The following DLG2 variants were observed in gnomAD, a reference collection of about 807,000 sequenced individuals.
The protein encoded by DLG2 is disks large homolog 2.
In DLG2, 45 loss-of-function variants were observed where a neutral mutation model predicts 132.5. That is an observed-to-expected ratio of 0.34 (90% CI 0.27 to 0.44). DLG2 has a LOEUF of 0.44. DLG2 is among the 20% of genes least tolerant of loss of function. The probability of loss-of-function intolerance (pLI) is 1.00; values close to 1 mark genes in which losing one functional copy is unlikely to be tolerated. For synonymous variants in DLG2, 424 were observed against 419.6 expected (o/e 1.01, Z -0.13); for missense variants, 1,045 against 1,196.9 (o/e 0.87, Z 1.87).
At chr11:84,439,411 T>C (rs2099010744) in intron 7 of DLG2, among the ~76,000 whole-genome samples, 1 of 152,186 alleles carries the variant, frequency 6.6e-6, no homozygotes, top group Admixed American at 6.5e-5. Flanking sequence ...TCAACAGTGG[T>C]ACCCCTGGGG....
At position 84,307,695 on chromosome 11, in the gene DLG2, C is replaced by CAAAAAAAAAAAAAAAAAAAAAAAA. The variant is rs1222486667; in HGVS notation, c.520-56405_520-56404insTTTTTTTTTTTTTTTTTTTTTTTT. On this transcript the variant is annotated intron_variant, in intron 7 of 27. Coordinates refer to ENST00000376104, the MANE Select transcript of DLG2 (RefSeq NM_001142699.3). ...TGGGTGAAAGAGCGAGACGCAGTCT[C>CAAAAAAAAAAAAAAAAAAAAAAAA]AAAAAAAAAAAAAAAAAAAAAGAAG... Among the ~76,000 whole-genome samples, 351 of 77,938 alleles carry CAAAAAAAAAAAAAAAAAAAAAAAA rather than the reference C, an allele frequency of 4.5e-3. 7 individuals are homozygous for CAAAAAAAAAAAAAAAAAAAAAAAA. The highest frequency in any genetic ancestry group is 7.3e-3 in the Non-Finnish European group (280 of 38,420). 51.1% of individuals were successfully genotyped at this position (77,938 alleles called of 152,430 possible). A position where few individuals can be genotyped will look rare whatever the true frequency, so the allele number is the denominator to read the frequency against.
rs1011139918 is a variant in DLG2 at position 84,278,585 on chromosome 11, T to A, written c.520-27294A>T. On this transcript the variant is annotated intron_variant, in intron 7 of 27. Transcript: ENST00000376104. ...TATACAAGCAAAAATTCTTAAAAAA[T>A]TTTTTAGCAAATTTAATCGAACAAT... 2.6e-5 allele frequency among the ~76,000 whole-genome samples: 4 copies of A among 152,088 alleles called. No homozygotes were observed. In the South Asian group the frequency reaches 6.2e-4, roughly 24 times the overall value.
At chr11:84,599,582 G>A (rs548901028) in intron 6 of DLG2, among the ~76,000 whole-genome samples, 1 of 152,154 alleles carries the variant, frequency 6.6e-6, no homozygotes, top group Admixed American at 6.5e-5. Context: ...CATGAAGAAG[G>A]AAATAGGATG....
intron 19 of DLG2, among the ~76,000 whole-genome samples, chr11:83,569,953 A>T (rs2096770913): frequency 6.6e-6 from 1 of 152,220 alleles, no homozygotes; most frequent in South Asian, 2.1e-4. Flanking sequence ...GTTGAATGAG[A>T]GTCAGACTTT....
intron 6 of DLG2, among the ~76,000 whole-genome samples, chr11:84,786,357 C>T (rs959995251): frequency 5.3e-5 from 8 of 152,066 alleles, no homozygotes; most frequent in African/African-American, 1.4e-4. Context: ...GTATCATAAA[C>T]CACAGATATA....
rs376836428 is a variant in DLG2 at position 83,514,437 on chromosome 11, G to C, written c.2193+18271C>G. Among the ~76,000 whole-genome samples, 16 of 152,230 alleles carry C rather than the reference G, an allele frequency of 1.1e-4. No homozygotes were observed. In the East Asian group the frequency reaches 1.7e-3, roughly 17 times the overall value. Reference sequence around the variant, plus strand: ...GCTTAAGGAGATTTTGGGCTGAGACGATGGGGTTTTCTAGATATACAATCA... The same window carrying C: ...GCTTAAGGAGATTTTGGGCTGAGACCATGGGGTTTTCTAGATATACAATCA... On this transcript the variant is annotated intron_variant, in intron 21 of 27. Transcript: ENST00000376104.
intron 12 of DLG2, among the ~76,000 whole-genome samples, chr11:83,967,349 T>A (rs2090437329): frequency 6.6e-6 from 1 of 152,076 alleles, no homozygotes; most frequent in Admixed American, 6.6e-5. Flanking sequence ...TGCATCCCAA[T>A]CAATAGTGTA....
chr11:83,974,069 C>A (rs1324491317), intron 12 of DLG2, among the ~76,000 whole-genome samples: 1 of 152,054 alleles, frequency 6.6e-6, no homozygotes, highest in Non-Finnish European at 1.5e-5. Context: ...GGCAAAAGAT[C>A]TTTTCAAGAT....
rs137899875 is a variant in DLG2 at position 83,840,864 on chromosome 11, A to G, written c.1566-7094T>C. Among the ~76,000 whole-genome samples, 30 of 152,306 alleles carry G rather than the reference A, an allele frequency of 2.0e-4. 1 individual carries two copies. The East Asian group carries it at 5.6e-3, about 28-fold the overall frequency. On this transcript the variant is annotated intron_variant, in intron 16 of 27. Transcript: ENST00000376104. Reference sequence around the variant, plus strand: ...ATGGTACTTGACTGATGGTCATTTAATATTCCACATTTAGCCCATCCTTTT... The same window carrying G: ...ATGGTACTTGACTGATGGTCATTTAGTATTCCACATTTAGCCCATCCTTTT...
chr11:84,208,289 CTA>C (rs1456281007), intron 8 of DLG2, among the ~76,000 whole-genome samples: 2 of 151,420 alleles, frequency 1.3e-5, no homozygotes, highest in Non-Finnish European at 1.5e-5. Flanking sequence ...CTCAGGACCT[CTA>C]GAGACTGTGT....
At chr11:83,475,719 T>C (rs931393709) in intron 22 of DLG2, among the ~76,000 whole-genome samples, 62 of 68,840 alleles carry the variant, frequency 9.0e-4, no homozygotes, top group African/African-American at 2.7e-3. Flanking sequence ...TCTTCTTTTT[T>C]TCTTTTCTTT....
chr11:84,253,863 G>C (rs1405813409), intron 7 of DLG2, among the ~76,000 whole-genome samples: 5 of 151,928 alleles, frequency 3.3e-5, no homozygotes, highest in Non-Finnish European at 5.9e-5. Context: ...CATAATCCCA[G>C]TATCTAGGTG....
intron 6 of DLG2, among the ~76,000 whole-genome samples, chr11:85,005,170 A>T (rs932262887): frequency 1.3e-5 from 2 of 152,198 alleles, no homozygotes; most frequent in African/African-American, 4.8e-5. Flanking sequence ...TGATGACTGC[A>T]GCTTTGTTCT....
chr11:84,072,847 AC>A (rs919168664), intron 10 of DLG2, among the ~76,000 whole-genome samples: 1 of 152,166 alleles, frequency 6.6e-6, no homozygotes, highest in Non-Finnish European at 1.5e-5. Context: ...CTGCTATATA[AC>A]CCTGATAAAA....
At chr11:85,373,239 C>A (rs1213164321) in intron 3 of DLG2, among the ~76,000 whole-genome samples, 5 of 152,146 alleles carry the variant, frequency 3.3e-5, no homozygotes, top group Admixed American at 1.3e-4. Context: ...AATTTTTGAG[C>A]TGTCCTTAAC....
At chr11:83,590,381 T>C (rs1346604019) in intron 19 of DLG2, among the ~76,000 whole-genome samples, 1 of 152,146 alleles carries the variant, frequency 6.6e-6, no homozygotes, top group African/African-American at 2.4e-5. Flanking sequence ...AACCTGCTCC[T>C]GAATGACTAC....
Position 85,601,006 on chromosome 11 carries a change from G to T in DLG2, c.-92-2218C>A, listed in dbSNP as rs187296931. Among the ~76,000 whole-genome samples the T allele has an allele frequency of 7.6e-4, 116 of 152,234 alleles. 1 individual carries two copies. Among genetic ancestry groups the T allele is most frequent in the Admixed American group, 1.6e-3 (24 of 15,280 alleles). On this transcript the variant is annotated intron_variant, in intron 2 of 27. Coordinates refer to ENST00000376104, the MANE Select transcript of DLG2 (RefSeq NM_001142699.3). ...TACCAACATGATGTCTCTGAACATG[G>T]ATCTGAGAAAAGATGCACAGCAGCA... is the stretch of plus-strand genomic sequence containing the variant.
At chr11:83,947,801 T>C (rs986021861) in intron 14 of DLG2, among the ~76,000 whole-genome samples, 3 of 152,190 alleles carry the variant, frequency 2.0e-5, no homozygotes, top group African/African-American at 7.2e-5. Context: ...GAGTCTAACA[T>C]CTGTTCTCTT....
At chr11:83,651,862 C>T in intron 18 of DLG2, 1 of 471,164 alleles carries the variant, frequency 2.1e-6, no homozygotes, top group Non-Finnish European at 4.4e-6. Context: ...ACGAAGGTCA[C>T]ATTGGCTGTC....
Sources: gnomAD v4.1 joint callset for allele counts (sites outside exome capture counted in the v4.1 genomes callset) on GRCh38, gnomAD v4.1.1 for gene constraint, MANE v1.5 for transcripts, NCBI Gene and HGNC (gene_info 2026-07-23, HGNC 2026-07-21) for gene names.